ITPR2: variants seen among roughly 807,000 people sequenced by gnomAD.
ITPR2 encodes the protein inositol 1,4,5-trisphosphate-gated calcium channel ITPR2.
In ITPR2, 207 loss-of-function variants were observed where a neutral mutation model predicts 317.1. That is an observed-to-expected ratio of 0.65 (90% CI 0.58 to 0.73). The LOEUF (loss-of-function observed/expected upper bound fraction) is 0.73, where lower values mean the gene tolerates loss of function less well. Ranked by LOEUF, ITPR2 falls within the 30% of genes least tolerant of loss-of-function variation. The probability of loss-of-function intolerance (pLI) is 0.00; values close to 1 mark genes in which losing one functional copy is unlikely to be tolerated. For synonymous variants in ITPR2, 1,156 were observed against 1,149.1 expected, an observed-to-expected ratio of 1.01 and a Z score of -0.12; for missense variants, 2,613 against 3,284.0, an observed-to-expected ratio of 0.80 and a Z score of 4.99.
At chr12:26,341,256 C>A (rs1438225589) in intron 55 of ITPR2, among the ~76,000 whole-genome samples, 1 of 152,178 alleles carries the variant, frequency 6.6e-6, no homozygotes, top group Non-Finnish European at 1.5e-5. Context: ...ATGGGGTGTG[C>A]CAGTCTTTGT....
At chr12:26,342,609 T>A (rs185426801) in intron 55 of ITPR2, among the ~76,000 whole-genome samples, 1 of 151,848 alleles carries the variant, frequency 6.6e-6, no homozygotes, top group East Asian at 1.9e-4. Flanking sequence ...GTTTTTTGTT[T>A]GTTTGTTTGT....
intron 46 of ITPR2, among the ~76,000 whole-genome samples, chr12:26,441,209 G>T (rs75931745): frequency 1.3e-5 from 2 of 152,200 alleles, no homozygotes; most frequent in African/African-American, 4.8e-5. Flanking sequence ...TCCTGATGTA[G>T]TGAGAACTCT....
chr12:26,405,513 A>G (rs1940319307), intron 52 of ITPR2, among the ~76,000 whole-genome samples: 1 of 152,244 alleles, frequency 6.6e-6, no homozygotes, highest in Admixed American at 6.5e-5. Context: ...GGGAAGGAAT[A>G]CAAACATATT....
intron 2 of ITPR2, among the ~76,000 whole-genome samples, chr12:26,726,768 T>C (rs1331555630): frequency 6.6e-6 from 1 of 152,240 alleles, no homozygotes. Flanking sequence ...TTAAAATTAA[T>C]TGTATTTAAA....
At chr12:26,513,083 C>T (rs1421812464) in intron 37 of ITPR2, among the ~76,000 whole-genome samples, 2 of 152,010 alleles carry the variant, frequency 1.3e-5, no homozygotes, top group Admixed American at 6.6e-5. Context: ...CCTCGTGATC[C>T]ACCCGCCTAG....
At chr12:26,365,782 G>A (rs929865062) in intron 55 of ITPR2, among the ~76,000 whole-genome samples, 3 of 152,162 alleles carry the variant, frequency 2.0e-5, no homozygotes, top group African/African-American at 4.8e-5. Context: ...GGCAGCCAAC[G>A]TGTTTAAACA....
At chr12:26,826,797 A>T (rs1279505944) in intron 1 of ITPR2, among the ~76,000 whole-genome samples, 1 of 152,108 alleles carries the variant, frequency 6.6e-6, no homozygotes, top group African/African-American at 2.4e-5. Flanking sequence ...GAACCCCTCA[A>T]CCATGCCGAG....
intron 39 of ITPR2, 184 bp downstream of exon 39, chr12:26,493,969 A>G: frequency 2.0e-6 from 1 of 492,388 alleles, no homozygotes; most frequent in Non-Finnish European, 3.5e-6. Flanking sequence ...GCTTGACTGA[A>G]TAAATTGTGA....
chr12:26,442,465 A>C (rs1941508891), intron 46 of ITPR2, among the ~76,000 whole-genome samples: 1 of 152,074 alleles, frequency 6.6e-6, no homozygotes, highest in Non-Finnish European at 1.5e-5. Flanking sequence ...AACAGCTCCC[A>C]TCTCTCACCC....
intron 34 of ITPR2, among the ~76,000 whole-genome samples, chr12:26,567,996 ATTATATATATTATATAT>A (rs1945044684): frequency 5.8e-4 from 3 of 5,152 alleles, no homozygotes; most frequent in Non-Finnish European, 4.1e-3. Context: ...ATATATATAT[ATTATATATATTATATAT>A]ATATATATAT....
chr12:26,604,719 C>T (rs554316468), intron 26 of ITPR2, among the ~76,000 whole-genome samples: 34 of 152,248 alleles, frequency 2.2e-4, no homozygotes, highest in African/African-American at 7.9e-4. Context: ...GAAAGCAGTC[C>T]AACCACCACT....
intron 45 of ITPR2, among the ~76,000 whole-genome samples, chr12:26,471,886 T>C (rs970426878): frequency 3.9e-5 from 6 of 152,256 alleles, no homozygotes; most frequent in Non-Finnish European, 7.3e-5. Context: ...CACAGCCACA[T>C]GGCCACTTCT....
intron 39 of ITPR2, among the ~76,000 whole-genome samples, chr12:26,488,550 G>A (rs73085270): frequency 0.058 from 8,776 of 152,070 alleles, 721 homozygotes; most frequent in African/African-American, 0.18. Context: ...ACACCTACAA[G>A]GGTAAGCTCC....
chr12:26,568,829 CT>C (rs1360965555), intron 34 of ITPR2, among the ~76,000 whole-genome samples: 2 of 152,184 alleles, frequency 1.3e-5, no homozygotes, highest in Non-Finnish European at 2.9e-5. Flanking sequence ...CAGAATAAAT[CT>C]GTACTGAAGC....
At chr12:26,751,504 A>C (rs139147331) in intron 2 of ITPR2, among the ~76,000 whole-genome samples, 139 of 152,272 alleles carry the variant, frequency 9.1e-4, no homozygotes, top group African/African-American at 3.1e-3. Context: ...TTATTACTCT[A>C]TATATTCTGA....
chr12:26,440,332 G>C (rs1007459331), intron 46 of ITPR2, among the ~76,000 whole-genome samples: 5 of 152,152 alleles, frequency 3.3e-5, no homozygotes, highest in African/African-American at 1.2e-4. Context: ...AAGGGTCTAA[G>C]GGCATGATGC....
At chr12:26,554,012 G>A (rs553538143) in intron 36 of ITPR2, among the ~76,000 whole-genome samples, 24 of 152,284 alleles carry the variant, frequency 1.6e-4, no homozygotes, top group African/African-American at 4.8e-4. Flanking sequence ...CTTCATGTGC[G>A]TGTGGGATCT....
At chr12:26,714,643 G>A (rs891974668) in intron 8 of ITPR2, among the ~76,000 whole-genome samples, 4 of 152,082 alleles carry the variant, frequency 2.6e-5, no homozygotes, top group Non-Finnish European at 5.9e-5. Context: ...ATTTGAAATG[G>A]TTGAGAATCA....
chr12:26,798,351 T>C (rs987555062), intron 1 of ITPR2, among the ~76,000 whole-genome samples: 1 of 152,380 alleles, frequency 6.6e-6, no homozygotes, highest in Admixed American at 6.5e-5. Context: ...CTTGTTTCTC[T>C]GCTCCTGTTT....
Sources: gnomAD v4.1 joint callset for allele counts (sites outside exome capture counted in the v4.1 genomes callset) on GRCh38, gnomAD v4.1.1 for gene constraint, MANE v1.5 for transcripts, NCBI Gene and HGNC (gene_info 2026-07-23, HGNC 2026-07-21) for gene names.